Variants in BCAS3 observed in about 807,000 individuals in gnomAD.
The protein encoded by BCAS3 is BCAS4/BCAS3 fusion.
Under a neutral mutation model 116.1 loss-of-function variants are expected in BCAS3, and 53 were observed. The observed-to-expected ratio is 0.46, with a 90% CI of 0.37 to 0.57. The LOEUF (loss-of-function observed/expected upper bound fraction) is 0.57, where lower values mean the gene tolerates loss of function less well. Among genes scored for constraint, BCAS3 ranks in the 20% least tolerant of loss-of-function variants. BCAS3 has a pLI of 0.00. For synonymous variants in BCAS3, 391 were observed against 408.2 expected, an observed-to-expected ratio of 0.96 and a Z score of 0.51; for missense variants, 917 against 1,165.4, an observed-to-expected ratio of 0.79 and a Z score of 3.10.
At chr17:60,922,368 C>G (rs1329437158) in intron 12 of BCAS3, among the ~76,000 whole-genome samples, 1 of 152,050 alleles carries the variant, frequency 6.6e-6, no homozygotes, top group African/African-American at 2.4e-5. Context: ...CTCGTGATCC[C>G]CCTGCCTCGG....
rs1012291266 is a variant in BCAS3 at position 61,368,717 on chromosome 17, G to C, written c.2593+223G>C. Among the ~76,000 whole-genome samples the C allele has an allele frequency of 3.3e-5, 5 of 152,336 alleles. No individual in the cohort carries two copies. In the South Asian group the frequency reaches 8.3e-4, roughly 25 times the overall value. ...CTCCCACGTGGAATACCACATGCAG[G>C]ATTGCCATGATCAACACCACTGTGC... On this transcript the variant is annotated intron_variant, in intron 23 of 23. Coordinates refer to ENST00000407086, the MANE Select transcript of BCAS3 (RefSeq NM_017679.5). This position sits in a 1 kb window ranked among gnomAD's most constrained non-coding sequence, Gnocchi z 6.0.
intron 15 of BCAS3, among the ~76,000 whole-genome samples, chr17:60,992,602 A>C (rs929337683): frequency 6.6e-6 from 1 of 152,184 alleles, no homozygotes; most frequent in Non-Finnish European, 1.5e-5. Flanking sequence ...TGACAGGATC[A>C]TTTGTACACC....
chr17:60,870,462 TC>T (rs1174362811), intron 8 of BCAS3, among the ~76,000 whole-genome samples: 1 of 152,136 alleles, frequency 6.6e-6, no homozygotes, highest in Admixed American at 6.5e-5. Context: ...AACAGATGTA[TC>T]CTTGAAAATT....
intron 11 of BCAS3, among the ~76,000 whole-genome samples, chr17:60,907,696 C>T (rs969695817): frequency 6.6e-6 from 1 of 152,098 alleles, no homozygotes; most frequent in African/African-American, 2.4e-5. Flanking sequence ...ATGTAGATAC[C>T]TCAGATTGTG....
At chr17:60,972,522 C>T (rs1302995587) in intron 14 of BCAS3, among the ~76,000 whole-genome samples, 3 of 145,440 alleles carry the variant, frequency 2.1e-5, no homozygotes, top group Admixed American at 7.1e-5. Flanking sequence ...AATCATTGCT[C>T]ACTGCAGCCT....
Position 61,092,848 on chromosome 17 carries a change from A to G in BCAS3, c.2425+8284A>G, listed in dbSNP as rs369825447. 1.3e-3 allele frequency among the ~76,000 whole-genome samples: 186 copies of G among 139,224 alleles called. 1 individual carries two copies. The highest frequency in any genetic ancestry group is 4.2e-3 in the African/African-American group (156 of 37,366). 91.3% of individuals were successfully genotyped at this position (139,224 alleles called of 152,430 possible). On this transcript the variant is annotated intron_variant, in intron 22 of 23. Transcript: ENST00000407086. ...TGACAAGCAAAAATCTAATTTTTTC[A>G]TTGTTTTTTCCTTTTATGTTTTCAC...
chr17:60,998,601 T>C (rs2064003922), intron 15 of BCAS3, among the ~76,000 whole-genome samples: 1 of 152,224 alleles, frequency 6.6e-6, no homozygotes, highest in Non-Finnish European at 1.5e-5. Flanking sequence ...GATAAGCATT[T>C]TTATATGTGT....
chr17:60,722,771 A>AAAAAAT (rs1250349303), intron 5 of BCAS3, among the ~76,000 whole-genome samples: 1 of 151,688 alleles, frequency 6.6e-6, no homozygotes, highest in Non-Finnish European at 1.5e-5. Flanking sequence ...AAAAAAAAAA[A>AAAAAAT]AAAAATGCTT....
In BCAS3 at chr17:60,994,236, CACT is replaced by C. The variant is rs1221154828; in HGVS notation, c.1486+4005_1486+4007del. On this transcript the variant is annotated intron_variant, in intron 15 of 23. Coordinates refer to ENST00000407086, the MANE Select transcript of BCAS3 (RefSeq NM_017679.5). The surrounding 1 kb of genome is among the most constrained non-coding windows in gnomAD (Gnocchi z 4.4). ...ATTTTAAAATATTGTTTTTACTCAT[CACT>C]ACTTTGAAATTATGATTATATAATA... 6.6e-6 allele frequency among the ~76,000 whole-genome samples: 1 copy of C among 151,944 alleles called. No individual in the cohort carries two copies. The highest frequency in any genetic ancestry group is 1.5e-5 in the Non-Finnish European group (1 of 67,950).
At chr17:61,175,502 A>G (rs573706230) in intron 22 of BCAS3, among the ~76,000 whole-genome samples, 1 of 152,328 alleles carries the variant, frequency 6.6e-6, no homozygotes, top group East Asian at 1.9e-4. Context: ...GGGGAAGGGC[A>G]TTATACTCCA....
chr17:60,707,289 G>A (rs1242687671), intron 4 of BCAS3, among the ~76,000 whole-genome samples: 5 of 151,934 alleles, frequency 3.3e-5, no homozygotes, highest in Admixed American at 6.6e-5. Flanking sequence ...CACCACGCCC[G>A]GCCAATTTTT....
At position 61,286,647 on chromosome 17, in the gene BCAS3, C is replaced by G. The variant is rs761824672; in HGVS notation, c.2426-81680C>G. 2.6e-5 allele frequency among the ~76,000 whole-genome samples: 4 copies of G among 152,148 alleles called. No individual in the cohort carries two copies. The highest frequency in any genetic ancestry group is 4.4e-5 in the Non-Finnish European group (3 of 68,040). On this transcript the variant is annotated intron_variant, in intron 22 of 23. Transcript: ENST00000407086. This position sits in a 1 kb window ranked among gnomAD's most constrained non-coding sequence, Gnocchi z 4.8. ...GCTGTTAGCAGGGCTAAGTTAAATACTCGCTTTACACCGTTGTGAAGGCAG... is the reference window on the plus strand; with the variant it reads ...GCTGTTAGCAGGGCTAAGTTAAATAGTCGCTTTACACCGTTGTGAAGGCAG...
At chr17:61,262,518 T>C (rs1335103418) in intron 22 of BCAS3, among the ~76,000 whole-genome samples, 4 of 152,070 alleles carry the variant, frequency 2.6e-5, no homozygotes, top group Non-Finnish European at 5.9e-5. Flanking sequence ...GTAGCTGGGA[T>C]TACAGGCACG....
intron 10 of BCAS3, among the ~76,000 whole-genome samples, chr17:60,901,868 A>G (rs1372227341): frequency 1.3e-5 from 2 of 152,194 alleles, no homozygotes; most frequent in Admixed American, 1.3e-4. Flanking sequence ...TTTTTTAAAA[A>G]TGTTAAACAT....
intron 22 of BCAS3, among the ~76,000 whole-genome samples, chr17:61,123,047 TTC>T (rs753109697): frequency 8.1e-4 from 123 of 151,996 alleles, no homozygotes; most frequent in Non-Finnish European, 1.4e-3. Flanking sequence ...GTTTAAGTGA[TTC>T]TCCTGCTTCA....
At chr17:60,716,872 C>T (rs75697151) in intron 5 of BCAS3, among the ~76,000 whole-genome samples, 4,698 of 152,248 alleles carry the variant, frequency 0.031, 229 homozygotes, top group African/African-American at 0.1. Flanking sequence ...TTCTTTCACT[C>T]AGCAAAGATT....
chr17:61,343,386 C>G lies in BCAS3; in HGVS notation c.2426-24941C>G, dbSNP rs144904652. Among the ~76,000 whole-genome samples, 667 of 152,272 alleles carry G rather than the reference C, an allele frequency of 4.4e-3. 4 individuals carry two copies. The highest frequency in any genetic ancestry group is 0.015 in the African/African-American group (631 of 41,554). On this transcript the variant is annotated intron_variant, in intron 22 of 23. Coordinates refer to ENST00000407086, the MANE Select transcript of BCAS3 (RefSeq NM_017679.5). This position sits in a 1 kb window ranked among gnomAD's most constrained non-coding sequence, Gnocchi z 5.5. The stretch of plus-strand genomic sequence containing the variant: ...AGTACCAATGGTCAGGCAGACACAC[C>G]GACCCAGGCAGGAGCAGCGATCTGG...
At chr17:60,785,834 A>G (rs1305937931) in intron 6 of BCAS3, among the ~76,000 whole-genome samples, 4 of 152,252 alleles carry the variant, frequency 2.6e-5, no homozygotes, top group Non-Finnish European at 4.4e-5. Context: ...ACTATGGATC[A>G]AAGATACTTA....
rs563232967 is a variant in BCAS3, at chr17:61,391,556, C to T, written c.2594-421C>T. On this transcript the variant is annotated intron_variant, in intron 23 of 23. Coordinates refer to ENST00000407086, the MANE Select transcript of BCAS3 (RefSeq NM_017679.5). The surrounding 1 kb of genome is among the most constrained non-coding windows in gnomAD (Gnocchi z 7.7). ...ATCAGGCAGGGATGCTGCAAGCCCT[C>T]CCGTGTCCTAGCTTCTCCCCGCCTG... 16 of 171,024 alleles carry T rather than the reference C, an allele frequency of 9.4e-5. No individual in the cohort carries two copies. Among genetic ancestry groups the T allele is most frequent in the African/African-American group, 3.6e-4 (15 of 41,954 alleles). 10.6% of individuals were successfully genotyped at this position (171,024 alleles called of 1,614,324 possible).
Sources: allele counts gnomAD v4.1 joint callset (sites outside exome capture counted in the v4.1 genomes callset), GRCh38; gene constraint gnomAD v4.1.1; non-coding constraint Gnocchi (gnomAD v3.1); transcripts MANE v1.5; gene names NCBI Gene and HGNC (gene_info 2026-07-23, HGNC 2026-07-21).